The following AUTS2 variants were observed in gnomAD, a reference collection of about 807,000 sequenced individuals.
AUTS2 encodes the protein activator of transcription and developmental regulator AUTS2, also known as autism susceptibility gene 2 protein.
Under a neutral mutation model 112.4 loss-of-function variants are expected in AUTS2, and 17 were observed. The observed-to-expected ratio is 0.15, with a 90% CI of 0.10 to 0.23. The LOEUF is 0.23. Among genes scored for constraint, AUTS2 ranks in the 10% least tolerant of loss-of-function variants. The pLI, the probability that AUTS2 is intolerant of heterozygous loss-of-function variation, is 1.00. For missense variants in AUTS2, 1,510 were observed against 1,701.6 expected, an observed-to-expected ratio of 0.89 and a Z score of 1.98; for synonymous variants, 751 against 702.7, an observed-to-expected ratio of 1.07 and a Z score of -1.09.
chr7:70,152,666 A>C (rs924804504), intron 4 of AUTS2, among the ~76,000 whole-genome samples: 1 of 152,202 alleles, frequency 6.6e-6, no homozygotes, highest in Non-Finnish European at 1.5e-5. Flanking sequence ...AAGAAATCAA[A>C]AAGCCTAGTT....
chr7:69,614,315 T>TC (rs1303241691), intron 1 of AUTS2, among the ~76,000 whole-genome samples: 8 of 9,502 alleles, frequency 8.4e-4, no homozygotes, highest in Non-Finnish European at 1.7e-3. Flanking sequence ...ACTCTCCGTC[T>TC]CTTTCTTTCT....
At chr7:70,642,320 A>G (rs544136046) in intron 5 of AUTS2, among the ~76,000 whole-genome samples, 7 of 152,340 alleles carry the variant, frequency 4.6e-5, no homozygotes, top group Middle Eastern at 3.4e-3. Context: ...TACTTTTGCT[A>G]TAGTGAAACA....
At chr7:69,960,065 C>A (rs913028192) in intron 2 of AUTS2, among the ~76,000 whole-genome samples, 4 of 152,064 alleles carry the variant, frequency 2.6e-5, no homozygotes, top group African/African-American at 9.7e-5. Flanking sequence ...GCGTATCCAG[C>A]ATGCTTTTAG....
Position 69,706,925 on chromosome 7 carries a change from G to A in AUTS2, c.309+106963G>A, listed in dbSNP as rs547048927. Among the ~76,000 whole-genome samples the A allele has an allele frequency of 3.3e-4, 50 of 152,326 alleles. 1 individual carries two copies. The highest frequency in any genetic ancestry group is 1.2e-3 in the African/African-American group (49 of 41,566). On this transcript the variant is annotated intron_variant, in intron 1 of 18. Transcript: ENST00000342771. The stretch of plus-strand genomic sequence containing the variant: ...AATGTTGAAGCTTCTGCTCTAAGCA[G>A]TACACAAAGGCTGGTATGTTCCCAG...
At chr7:69,975,677 T>A (rs914359909) in intron 2 of AUTS2, among the ~76,000 whole-genome samples, 5 of 151,886 alleles carry the variant, frequency 3.3e-5, no homozygotes, top group Non-Finnish European at 5.9e-5. Context: ...TGAATTTTTT[T>A]AATTGTTTTT....
chr7:69,626,317 C>T (rs555277678), intron 1 of AUTS2, among the ~76,000 whole-genome samples: 8 of 152,026 alleles, frequency 5.3e-5, no homozygotes, highest in African/African-American at 9.7e-5. Context: ...CCTGGAGGTG[C>T]GATTTAATTA....
At chr7:69,924,841 A>G (rs759200724) in intron 2 of AUTS2, among the ~76,000 whole-genome samples, 15 of 152,276 alleles carry the variant, frequency 9.9e-5, no homozygotes, top group Non-Finnish European at 1.6e-4. Context: ...ATGAGCCACC[A>G]GGCCCGGCCT....
Position 70,460,338 on chromosome 7 carries a change from C to CTTTT in AUTS2, c.690+24583_690+24586dup, listed in dbSNP as rs10537541. Among the ~76,000 whole-genome samples the CTTTT allele has an allele frequency of 1.1e-3, 42 of 38,214 alleles. 2 individuals are homozygous for CTTTT. In the East Asian group the frequency reaches 0.018, roughly 16 times the overall value. The allele number at this position is 38,214 out of a possible 152,430, so 25.1% of individuals were successfully genotyped here. A position where few individuals can be genotyped will look rare whatever the true frequency, so the allele number is the denominator to read the frequency against. On this transcript the variant is annotated intron_variant, in intron 5 of 18. Transcript: ENST00000342771. Reference sequence around the variant, plus strand: ...CCAACCTCAGCAAGGACAGCCTGGTCTTTTTTTTTTTTTTTTTTTTTTTTT... The same window carrying CTTTT: ...CCAACCTCAGCAAGGACAGCCTGGTCTTTTTTTTTTTTTTTTTTTTTTTTTTTTT...
chr7:70,667,731 T>G (rs912464327), intron 5 of AUTS2, among the ~76,000 whole-genome samples: 7 of 152,240 alleles, frequency 4.6e-5, no homozygotes, highest in African/African-American at 1.7e-4. Flanking sequence ...CACCTGTTCA[T>G]GACACCTTTG....
intron 4 of AUTS2, among the ~76,000 whole-genome samples, chr7:70,241,821 A>ATTTATTT: frequency 2.6e-5 from 4 of 152,274 alleles, no homozygotes; most frequent in Admixed American, 2.6e-4. Context: ...AAAAGCTTTG[A>ATTTATTT]TTTACAGAGA....
Position 69,678,182 on chromosome 7 carries a change from C to T in AUTS2, c.309+78220C>T, listed in dbSNP as rs950219092. Among the ~76,000 whole-genome samples, 17 of 152,002 alleles carry T rather than the reference C, an allele frequency of 1.1e-4. 1 individual carries two copies. The Middle Eastern group carries it at 9.5e-3, about 85-fold the overall frequency. The stretch of plus-strand genomic sequence containing the variant: ...CTTTCTGACAGGCACAGGAAAAACT[C>T]GTCCCCTGCTTGATCCTCATGCAAG... On this transcript the variant is annotated intron_variant, in intron 1 of 18. Transcript: ENST00000342771.
rs1361579418 is a variant in AUTS2, at chr7:69,845,859, T to C, written c.310-53427T>C. Among the ~76,000 whole-genome samples the C allele has an allele frequency of 2.6e-5, 4 of 152,156 alleles. 1 individual carries two copies. Among genetic ancestry groups the C allele is most frequent in the Non-Finnish European group, 5.9e-5 (4 of 68,032 alleles). On this transcript the variant is annotated intron_variant, in intron 1 of 18. Transcript: ENST00000342771. ...GCAGTGCTGATGTAGTCAGCACAAC[T>C]CCTGGGATGCAGGTGCCTGGGGCTG... is the stretch of plus-strand genomic sequence containing the variant.
chr7:69,819,446 G>A (rs1790893081), intron 1 of AUTS2, among the ~76,000 whole-genome samples: 2 of 152,118 alleles, frequency 1.3e-5, no homozygotes, highest in African/African-American at 4.8e-5. Context: ...GGAAGTTTTA[G>A]GCACTTTGTC....
chr7:70,626,358 TAAA>T (rs10572995), intron 5 of AUTS2, among the ~76,000 whole-genome samples: 1,773 of 113,320 alleles, frequency 0.016, 50 homozygotes, highest in African/African-American at 0.05. Context: ...ACCTTGTTTC[TAAA>T]AAAAAAAAAA....
intron 4 of AUTS2, among the ~76,000 whole-genome samples, chr7:70,191,623 A>G (rs947848785): frequency 1.3e-5 from 2 of 152,236 alleles, no homozygotes; most frequent in Admixed American, 6.5e-5. Flanking sequence ...TTTGAAATTC[A>G]TAATACAGTC....
intron 2 of AUTS2, among the ~76,000 whole-genome samples, chr7:70,066,011 G>A (rs1404241265): frequency 6.6e-6 from 1 of 152,148 alleles, no homozygotes. Flanking sequence ...TGAATAAGAA[G>A]AAATTAAGGC....
intron 1 of AUTS2, among the ~76,000 whole-genome samples, chr7:69,651,569 G>A (rs1795290824): frequency 6.6e-6 from 1 of 152,198 alleles, no homozygotes; most frequent in Non-Finnish European, 1.5e-5. Context: ...TCTGCCTTCA[G>A]GTAACCAGAG....
chr7:70,274,969 G>C (rs1410248992), intron 4 of AUTS2, among the ~76,000 whole-genome samples: 2 of 152,168 alleles, frequency 1.3e-5, no homozygotes, highest in Non-Finnish European at 2.9e-5. Flanking sequence ...ATTCATAATA[G>C]CTAAAAAGTG....
chr7:70,468,126 G>T (rs905403552), intron 5 of AUTS2, among the ~76,000 whole-genome samples: 3 of 152,174 alleles, frequency 2.0e-5, no homozygotes, highest in African/African-American at 4.8e-5. Flanking sequence ...GGGGAGAGAT[G>T]GGGCTTATAT....
Sources: allele counts gnomAD v4.1 joint callset (sites outside exome capture counted in the v4.1 genomes callset), GRCh38; gene constraint gnomAD v4.1.1; transcripts MANE v1.5; gene names NCBI Gene and HGNC (gene_info 2026-07-23, HGNC 2026-07-21).